The following TTC3 variants were observed in gnomAD, a reference collection of about 807,000 sequenced individuals.
The protein encoded by TTC3 is tetratricopeptide repeat domain 3.
In TTC3, 180 loss-of-function variants were observed where a neutral mutation model predicts 249.6. That is an observed-to-expected ratio of 0.72 (90% CI 0.64 to 0.82). The LOEUF is 0.82. Among genes scored for constraint, TTC3 ranks in the 40% least tolerant of loss-of-function variants. The probability of loss-of-function intolerance (pLI) is 0.00; values close to 1 mark genes in which losing one functional copy is unlikely to be tolerated. For missense variants in TTC3, 2,061 were observed against 2,398.4 expected (o/e 0.86, Z 2.94); for synonymous variants, 717 against 805.0 (o/e 0.89, Z 1.85).
chr21:37,159,679 C>T lies in TTC3; in HGVS notation c.2993-20C>T, dbSNP rs201068263. 5.5e-5 allele frequency: 88 copies of T among 1,610,726 alleles called. No homozygotes were observed. The African/African-American group carries it at 1.1e-3, about 21-fold the overall frequency. ...GTAAATATTTAGTTTTCTCACAAAA[C>T]CATCTGTATATTCCTACAGACAGCC... On this transcript the variant is annotated intron_variant, in intron 28 of 45. Transcript: ENST00000355666.
exon 45 of TTC3, chr21:37,200,311 A>C: frequency 6.2e-7 from 1 of 1,614,242 alleles, no homozygotes; most frequent in Non-Finnish European, 8.5e-7. Flanking sequence ...TGTGGGCACA[A>C]GTATCACAAA....
chr21:37,103,276 A>C (rs1351067373), intron 10 of TTC3, among the ~76,000 whole-genome samples: 1 of 152,202 alleles, frequency 6.6e-6, no homozygotes, highest in Admixed American at 6.5e-5. Flanking sequence ...TTCCCTATGT[A>C]AGAGCAATAA....
At chr21:37,096,249 A>G (rs993000897) in intron 9 of TTC3, among the ~76,000 whole-genome samples, 1 of 152,220 alleles carries the variant, frequency 6.6e-6, no homozygotes, top group African/African-American at 2.4e-5. Flanking sequence ...GACTTATTAT[A>G]TAAGTAATCC....
intron 7 of TTC3, 75 bp from the exon 8 acceptor site, chr21:37,093,930 A>G (rs1443487283): frequency 4.4e-6 from 4 of 915,718 alleles, no homozygotes; most frequent in Non-Finnish European, 7.0e-6. Flanking sequence ...CTCAAGAATT[A>G]GAATATTATC....
At chr21:37,197,857 C>T (rs373864510) in intron 43 of TTC3, 25 bp from the exon 44 acceptor site, 2 of 1,603,396 alleles carry the variant, frequency 1.2e-6, no homozygotes, top group Admixed American at 1.7e-5. Flanking sequence ...TTGTCCCCTC[C>T]CCGCCACCCC....
intron 13 of TTC3, among the ~76,000 whole-genome samples, chr21:37,123,757 T>A (rs1437519654): frequency 1.3e-5 from 2 of 151,900 alleles, no homozygotes; most frequent in African/African-American, 2.4e-5. Context: ...TTTTTTTTTT[T>A]AATTTTTTTG....
At chr21:37,160,819 G>A in exon 30 of TTC3, 1 of 1,612,710 alleles carries the variant, frequency 6.2e-7, no homozygotes. Flanking sequence ...CAACCAAGGT[G>A]AAAAACAAAA....
At chr21:37,095,371 A>G in exon 9 of TTC3, 2 of 1,606,424 alleles carry the variant, frequency 1.2e-6, no homozygotes, top group Non-Finnish European at 1.7e-6. Flanking sequence ...AATGAAAATG[A>G]AAGGAAATGA....
intron 38 of TTC3, among the ~76,000 whole-genome samples, chr21:37,187,409 A>G (rs2083425433): frequency 6.6e-6 from 1 of 152,202 alleles, no homozygotes. Context: ...TACCATTATA[A>G]TTCAGCCATT....
In TTC3 at chr21:37,108,536, G is replaced by A. The variant is rs181935870; in HGVS notation, c.900+90G>A. 6.7e-3 allele frequency: 8,606 copies of A among 1,278,486 alleles called. 40 individuals carry two copies. Among genetic ancestry groups the A allele is most frequent in the Non-Finnish European group, 7.5e-3 (6,829 of 911,252 alleles). 79.2% of individuals were successfully genotyped at this position (1,278,486 alleles called of 1,614,324 possible). A position where few individuals can be genotyped will look rare whatever the true frequency, so the allele number is the denominator to read the frequency against. ...ATAGGGTGTGTTTGTTCATAAAAAT[G>A]CTATATGAAATTACGTAGAGCTCCA... is the stretch of plus-strand genomic sequence containing the variant. On this transcript the variant is annotated intron_variant, in intron 11 of 45. Transcript: ENST00000355666.
At chr21:37,118,794 A>G (rs2076362967) in intron 11 of TTC3, among the ~76,000 whole-genome samples, 1 of 152,072 alleles carries the variant, frequency 6.6e-6, no homozygotes, top group Non-Finnish European at 1.5e-5. Flanking sequence ...TTATGTCTTC[A>G]AGCTCACCCA....
chr21:37,074,878 G>A (rs900885305), intron 1 of TTC3, among the ~76,000 whole-genome samples: 7 of 152,072 alleles, frequency 4.6e-5, no homozygotes, highest in African/African-American at 1.7e-4. Context: ...GAATATTTCA[G>A]ATATCAAATA....
chr21:37,178,968 G>A (rs1165553729), intron 35 of TTC3, among the ~76,000 whole-genome samples: 1 of 150,714 alleles, frequency 6.6e-6, no homozygotes, highest in African/African-American at 2.4e-5. Flanking sequence ...TGTCTCAAAA[G>A]GAAAAAAAAG....
Position 37,143,807 on chromosome 21 carries a change from G to A in TTC3, c.1773-718G>A, listed in dbSNP as rs373483351. On this transcript the variant is annotated intron_variant, in intron 20 of 45. Transcript: ENST00000355666. ...ACACATGCACACATATGTTTATTGC[G>A]GCACTATTCACAATAGCAAAGACTT... Among the ~76,000 whole-genome samples, 35 of 121,120 alleles carry A rather than the reference G, an allele frequency of 2.9e-4. 3 individuals carry two copies. In the East Asian group the frequency reaches 4.4e-3, roughly 15 times the overall value. 79.5% of individuals were successfully genotyped at this position (121,120 alleles called of 152,430 possible). A position where few individuals can be genotyped will look rare whatever the true frequency, so the allele number is the denominator to read the frequency against.
chr21:37,156,893 C>A (rs2080145008), exon 28 of TTC3: 1 of 1,613,452 alleles, frequency 6.2e-7, no homozygotes, highest in Non-Finnish European at 8.5e-7. Context: ...TAGATGAATT[C>A]TTTGATATAA....
At chr21:37,083,612 G>T (rs73201920) in intron 1 of TTC3, 20,018 of 165,488 alleles carry the variant, frequency 0.12, 1,355 homozygotes, top group Admixed American at 0.14. Context: ...TGACTCCCAG[G>T]GTTTAGGTTT....
At chr21:37,097,387 C>G (rs1041438082) in intron 10 of TTC3, among the ~76,000 whole-genome samples, 4 of 152,174 alleles carry the variant, frequency 2.6e-5, no homozygotes, top group Non-Finnish European at 4.4e-5. Flanking sequence ...AGGGTGAATT[C>G]AAGAATACAT....
At chr21:37,092,710 G>A (rs894915969) in intron 7 of TTC3, among the ~76,000 whole-genome samples, 6 of 151,986 alleles carry the variant, frequency 3.9e-5, no homozygotes, top group Non-Finnish European at 8.8e-5. Context: ...GACTTTCTTA[G>A]GTCCTTTATT....
chr21:37,147,962 C>T (rs2079128637), intron 22 of TTC3, among the ~76,000 whole-genome samples: 1 of 152,148 alleles, frequency 6.6e-6, no homozygotes, highest in Non-Finnish European at 1.5e-5. Context: ...CTCTTGACTT[C>T]GTGATCCACC....
Sources: allele counts gnomAD v4.1 joint callset (sites outside exome capture counted in the v4.1 genomes callset), GRCh38; gene constraint gnomAD v4.1.1; transcripts MANE v1.5; gene names NCBI Gene and HGNC (gene_info 2026-07-23, HGNC 2026-07-21).